The following MAGI3 variants were observed in gnomAD, a reference collection of about 807,000 sequenced individuals.
The protein encoded by MAGI3 is membrane-associated guanylate kinase, WW and PDZ domain-containing protein 3.
MAGI3 carries 43 observed loss-of-function variants against 121.8 expected under a neutral mutation model. The ratio of observed to expected loss-of-function variants is 0.35; its 90% CI spans 0.28 to 0.46. The LOEUF is 0.46. Among genes scored for constraint, MAGI3 ranks in the 20% least tolerant of loss-of-function variants. MAGI3 has a pLI of 1.00. For synonymous variants in MAGI3, 553 were observed against 639.3 expected, an observed-to-expected ratio of 0.86 and a Z score of 2.04; for missense variants, 1,547 against 1,797.3, an observed-to-expected ratio of 0.86 and a Z score of 2.52.
Position 113,684,133 on chromosome 1 carries a change from A to G in MAGI3, c.*119A>G, listed in dbSNP as rs1648404373. 2.6e-6 allele frequency: 3 copies of G among 1,161,464 alleles called. No individual in the cohort carries two copies. The highest frequency in any genetic ancestry group is 3.5e-6 in the Non-Finnish European group (3 of 858,338). The allele number at this position is 1,161,464 out of a possible 1,614,324, so 71.9% of individuals were successfully genotyped here. On this transcript the variant is annotated 3_prime_UTR_variant, in exon 21 of 21. Coordinates refer to ENST00000307546, the MANE Select transcript of MAGI3 (RefSeq NM_001142782.2). ...AAACAGATAAGTACATGTTAATGTG[A>G]GCCTCAAGTTACCTAGGCTGCATGA...
intron 8 of MAGI3, among the ~76,000 whole-genome samples, chr1:113,621,878 T>C (rs375435137): frequency 2.1e-4 from 32 of 152,200 alleles, no homozygotes; most frequent in African/African-American, 7.7e-4. Flanking sequence ...ATTTTGTTTA[T>C]ATGAAATGCC....
intron 1 of MAGI3, among the ~76,000 whole-genome samples, chr1:113,432,004 A>G (rs763871291): frequency 2.6e-5 from 4 of 152,198 alleles, no homozygotes; most frequent in Non-Finnish European, 4.4e-5. Context: ...GAGATAGATA[A>G]ATAGACTAGT....
chr1:113,667,445 T>C (rs1261842927), intron 16 of MAGI3, among the ~76,000 whole-genome samples: 1 of 152,242 alleles, frequency 6.6e-6, no homozygotes, highest in Non-Finnish European at 1.5e-5. Flanking sequence ...CACACTTTTC[T>C]TCTGCAGCTT....
chr1:113,560,731 C>T (rs527762091), intron 2 of MAGI3, among the ~76,000 whole-genome samples: 3 of 151,246 alleles, frequency 2.0e-5, no homozygotes, highest in Non-Finnish European at 4.4e-5. Flanking sequence ...AGCAAACAAA[C>T]CCCAAAGCTA....
intron 1 of MAGI3, among the ~76,000 whole-genome samples, chr1:113,435,350 G>A (rs1378638203): frequency 6.6e-6 from 1 of 152,024 alleles, no homozygotes; most frequent in Non-Finnish European, 1.5e-5. Context: ...CTCAGCCTAA[G>A]TAAATTTTTT....
At chr1:113,662,357 C>T (rs1359736775) in intron 16 of MAGI3, among the ~76,000 whole-genome samples, 1 of 152,198 alleles carries the variant, frequency 6.6e-6, no homozygotes, top group African/African-American at 2.4e-5. Context: ...ACACTACCGC[C>T]TCTTCCTCTG....
At chr1:113,607,132 A>G (rs1649822596) in intron 6 of MAGI3, among the ~76,000 whole-genome samples, 1 of 152,130 alleles carries the variant, frequency 6.6e-6, no homozygotes, top group African/African-American at 2.4e-5. Context: ...GGTTTTCAAA[A>G]TGATCATACT....
At chr1:113,641,875 G>A in intron 9 of MAGI3, 36 bp from the exon 10 acceptor site, 30 of 1,510,538 alleles carry the variant, frequency 2.0e-5, no homozygotes, top group Non-Finnish European at 2.6e-5. Flanking sequence ...CTTATTTGTT[G>A]ATTTTAATAT....
At chr1:113,548,713 A>T (rs1489733627) in intron 1 of MAGI3, among the ~76,000 whole-genome samples, 1 of 152,240 alleles carries the variant, frequency 6.6e-6, no homozygotes, top group Non-Finnish European at 1.5e-5. Flanking sequence ...GACCCTAAAC[A>T]GAGTAGTAAT....
rs1004901974 is a variant in MAGI3 at position 113,682,335 on chromosome 1, CTTTT to C, written c.3329-561_3329-558del. 5 of 1,563,664 alleles carry C rather than the reference CTTTT, an allele frequency of 3.2e-6. No homozygotes were observed. The African/African-American group carries it at 4.2e-5, about 13-fold the overall frequency. Reference sequence around the variant, plus strand: ...TGCATGTCTTGTAAATCACTTTCTTCTTTTGTTTTCTTTTAAATTAAAAATGATG... The same window carrying C: ...TGCATGTCTTGTAAATCACTTTCTTCGTTTTCTTTTAAATTAAAAATGATG... On this transcript the variant is annotated intron_variant, in intron 20 of 20. Coordinates refer to ENST00000307546, the MANE Select transcript of MAGI3 (RefSeq NM_001142782.2).
intron 1 of MAGI3, among the ~76,000 whole-genome samples, chr1:113,437,806 T>TTTCTTCTTCTTC (rs759591213): frequency 2.3e-4 from 27 of 119,580 alleles, no homozygotes; most frequent in South Asian, 1.2e-3. Context: ...TCTTTCTTCT[T>TTTCTTCTTCTTC]TTCTTCTTCT....
At chr1:113,659,029 AC>A (rs1653634577) in intron 15 of MAGI3, 50 bp from the exon 16 acceptor site, 1 of 1,392,646 alleles carries the variant, frequency 7.2e-7, no homozygotes, top group Admixed American at 2.2e-5. Flanking sequence ...TAAATCTAAC[AC>A]TAGCAGAAAT....
chr1:113,395,869 T>C (rs1353689370), intron 1 of MAGI3, among the ~76,000 whole-genome samples: 1 of 152,076 alleles, frequency 6.6e-6, no homozygotes, highest in Admixed American at 6.5e-5. Flanking sequence ...ATACTTAACA[T>C]TTGGCCATTT....
intron 1 of MAGI3, among the ~76,000 whole-genome samples, chr1:113,462,564 TG>T (rs1028018460): frequency 1.9e-4 from 28 of 150,786 alleles, no homozygotes; most frequent in African/African-American, 6.3e-4. Context: ...ATGGGGAGGG[TG>T]AAAGGAGCAA....
At chr1:113,623,453 T>TACACACATACACACACACACACACAC (rs1650983579) in intron 9 of MAGI3, among the ~76,000 whole-genome samples, 1 of 126,104 alleles carries the variant, frequency 7.9e-6, no homozygotes, top group African/African-American at 3.2e-5. Flanking sequence ...TACACACACA[T>TACACACATACACACACACACACACAC]ACACACACAC....
Position 113,642,336 on chromosome 1 carries a change from C to G in MAGI3, c.1786C>G (p.Pro596Ala). Residue 596 changes from proline to alanine, a missense_variant, in exon 10 of 21, where the codon CCT (proline) becomes GCT (alanine). Pro to Ala is a conservative substitution (Grantham distance 27). Coordinates refer to ENST00000307546, the MANE Select transcript of MAGI3 (RefSeq NM_001142782.2). ...KGFGFAIADS[P>A]TGQKVKMILD... is the part of the protein sequence containing the mutation. ...GTTTGGGTTTGCAATTGCTGACAGC[C>G]CTACTGGACAGAAGGTGAAAATGAT... 6.2e-7 allele frequency: 1 copy of G among 1,614,046 alleles called. No homozygotes were observed. The highest frequency in any genetic ancestry group is 8.5e-7 in the Non-Finnish European group (1 of 1,180,006).
intron 7 of MAGI3, among the ~76,000 whole-genome samples, chr1:113,619,475 G>A (rs1650685988): frequency 6.6e-6 from 1 of 152,140 alleles, no homozygotes; most frequent in Non-Finnish European, 1.5e-5. Context: ...TTTGAAAACT[G>A]TTATTGGCTA....
intron 9 of MAGI3, among the ~76,000 whole-genome samples, chr1:113,635,812 T>G (rs916008613): frequency 7.9e-5 from 12 of 151,424 alleles, no homozygotes; most frequent in African/African-American, 1.9e-4. Flanking sequence ...TACCAGTTCC[T>G]CCTTGTACCT....
intron 6 of MAGI3, among the ~76,000 whole-genome samples, chr1:113,595,604 C>T (rs1648949472): frequency 6.6e-6 from 1 of 152,012 alleles, no homozygotes; most frequent in African/African-American, 2.4e-5. Flanking sequence ...TAGGAAGAAG[C>T]AATCAGAAAA....
Sources: gnomAD v4.1 joint callset for allele counts (sites outside exome capture counted in the v4.1 genomes callset) on GRCh38, gnomAD v4.1.1 for gene constraint, MANE v1.5 for transcripts, NCBI Gene and HGNC (gene_info 2026-07-23, HGNC 2026-07-21) for gene names.